Variants in ASZ1 observed in about 807,000 individuals in gnomAD.
The protein encoded by ASZ1 is ankyrin repeat, SAM and basic leucine zipper domain containing 1.
ASZ1 carries 67 observed loss-of-function variants against 61.8 expected under a neutral mutation model. The ratio of observed to expected loss-of-function variants is 1.08; its 90% confidence interval spans 0.89 to 1.33. The LOEUF is 1.33. Among genes scored for constraint, ASZ1 ranks in the 40% most tolerant of loss-of-function variants. The pLI is 0.00. For synonymous variants in ASZ1, 193 were observed against 192.7 expected (o/e 1.00, Z -0.01); for missense variants, 577 against 554.5 (o/e 1.04, Z -0.41).
intron 4 of ASZ1, among the ~76,000 whole-genome samples, chr7:117,411,844 G>A (rs1304042184): frequency 1.3e-5 from 2 of 151,730 alleles, no homozygotes; most frequent in African/African-American, 4.8e-5. Flanking sequence ...AACCTTGGCA[G>A]TCTGGTTCAT....
intron 4 of ASZ1, among the ~76,000 whole-genome samples, chr7:117,391,100 A>G (rs1271870268): frequency 6.7e-6 from 1 of 148,468 alleles, no homozygotes; most frequent in African/African-American, 2.5e-5. Flanking sequence ...GTACTTTTTC[A>G]TGTTTCTTGA....
At position 117,383,187 on chromosome 7, in the gene ASZ1, G is replaced by A. The variant is rs546317236; in HGVS notation, c.688-77C>T. ...TACACTTAAAAGAAACTGAACATAC[G>A]ATTATCTCATATCCAGAAAGGAAAT... On this transcript the variant is annotated intron_variant, in intron 6 of 12. Transcript: ENST00000284629. 108 of 1,341,184 alleles carry A rather than the reference G, an allele frequency of 8.1e-5. No individual in the cohort carries two copies. In the African/African-American group the frequency reaches 9.4e-4, roughly 12 times the overall value. 83.1% of individuals were successfully genotyped at this position (1,341,184 alleles called of 1,614,324 possible). A position where few individuals can be genotyped will look rare whatever the true frequency, so the allele number is the denominator to read the frequency against.
At chr7:117,403,676 T>C (rs1041402921) in intron 4 of ASZ1, among the ~76,000 whole-genome samples, 6 of 152,138 alleles carry the variant, frequency 3.9e-5, no homozygotes, top group Non-Finnish European at 5.9e-5. Context: ...TTACTATCTA[T>C]TGCTGTTATA....
At chr7:117,385,462 T>A (rs1796335573) in intron 5 of ASZ1, among the ~76,000 whole-genome samples, 1 of 152,064 alleles carries the variant, frequency 6.6e-6, no homozygotes, top group Non-Finnish European at 1.5e-5. Flanking sequence ...GGTTTCACCA[T>A]GTTGGCCAGG....
chr7:117,397,241 G>A lies in ASZ1; in HGVS notation c.441-11432C>T, dbSNP rs1037808504. Among the ~76,000 whole-genome samples, 10 of 151,610 alleles carry A rather than the reference G, an allele frequency of 6.6e-5. No homozygotes were observed. In the East Asian group the frequency reaches 7.7e-4, roughly 12 times the overall value. On this transcript the variant is annotated intron_variant, in intron 4 of 12. Coordinates refer to ENST00000284629, the MANE Select transcript of ASZ1 (RefSeq NM_130768.3). ...GAACCGAACCGAACCGAACCGAACC[G>A]AACCAAACCAAACCAAACGCAATAA...
chr7:117,427,418 C>G lies in ASZ1; in HGVS notation c.43G>C (p.Gly15Arg), dbSNP rs751007891. ...TCATCCTCGCTCTCGCTACTCTCGC[C>G]TCCGCCAGCCACTGGCAGGCCTCGC... is the stretch of plus-strand genomic sequence containing the variant. ...ALRGLPVAGGGESSESEDDGW... is the reference protein window; with the variant it reads ...ALRGLPVAGGRESSESEDDGW... The change falls in exon 1 of 13, where the codon GGC becomes CGC. Residue 15 changes from glycine to arginine, a missense_variant. Gly to Arg is a moderately radical substitution (Grantham distance 125, BLOSUM62 -2). Transcript: ENST00000284629. 6 of 1,614,024 alleles carry G rather than the reference C, an allele frequency of 3.7e-6. No homozygotes were observed. The highest frequency in any genetic ancestry group is 5.1e-6 in the Non-Finnish European group (6 of 1,180,002).
chr7:117,382,910 C>T, intron 7 of ASZ1, 76 bp downstream of exon 7: 5 of 1,335,318 alleles, frequency 3.7e-6, no homozygotes, highest in Non-Finnish European at 4.9e-6. Context: ...TTAAATAAGT[C>T]ACCACATTTA....
chr7:117,382,241 A>G (rs927784116), intron 7 of ASZ1, 97 bp from the exon 8 acceptor site: 9 of 780,716 alleles, frequency 1.2e-5, no homozygotes, highest in Non-Finnish European at 1.9e-5. Context: ...AATAATAATG[A>G]ATTCATGTAG....
chr7:117,389,625 G>C (rs779301931), intron 4 of ASZ1, among the ~76,000 whole-genome samples: 11 of 152,082 alleles, frequency 7.2e-5, no homozygotes, highest in Non-Finnish European at 1.6e-4. Context: ...GTCAGGATGA[G>C]GCAAACCAGA....
At chr7:117,417,021 C>T (rs1261329300) in intron 4 of ASZ1, among the ~76,000 whole-genome samples, 1 of 152,130 alleles carries the variant, frequency 6.6e-6, no homozygotes, top group Non-Finnish European at 1.5e-5. Flanking sequence ...CCCATTTTAT[C>T]TAAAAACTAA....
At chr7:117,411,320 G>A (rs1446162734) in intron 4 of ASZ1, among the ~76,000 whole-genome samples, 1 of 151,724 alleles carries the variant, frequency 6.6e-6, no homozygotes, top group Non-Finnish European at 1.5e-5. Context: ...ATGTAGGTAA[G>A]AGATAAATTT....
At chr7:117,369,100 A>C (rs1261526848) in intron 10 of ASZ1, among the ~76,000 whole-genome samples, 1 of 152,162 alleles carries the variant, frequency 6.6e-6, no homozygotes, top group Non-Finnish European at 1.5e-5. Context: ...TGTTAATACT[A>C]TTTTATAGTG....
chr7:117,421,592 A>T (rs1295161300), intron 3 of ASZ1, among the ~76,000 whole-genome samples: 1 of 152,224 alleles, frequency 6.6e-6, no homozygotes, highest in Non-Finnish European at 1.5e-5. Context: ...ACTGTTGCTA[A>T]GACAGAAATT....
intron 10 of ASZ1, among the ~76,000 whole-genome samples, chr7:117,374,896 G>A (rs921700879): frequency 2.6e-5 from 4 of 152,042 alleles, no homozygotes; most frequent in African/African-American, 9.7e-5. Context: ...ACCAAAAGAA[G>A]AAAGGAAGAG....
At chr7:117,397,250 C>T (rs2116494561) in intron 4 of ASZ1, among the ~76,000 whole-genome samples, 1 of 152,048 alleles carries the variant, frequency 6.6e-6, no homozygotes, top group East Asian at 1.9e-4. Context: ...CGAACCAAAC[C>T]AAACCAAACG....
rs753361798 is a variant in ASZ1 at position 117,385,823 on chromosome 7, A to G, written c.441-14T>C. 1.3e-6 allele frequency: 2 copies of G among 1,578,330 alleles called. No homozygotes were observed. Among genetic ancestry groups the G allele is most frequent in the Non-Finnish European group, 1.7e-6 (2 of 1,149,164 alleles). On this transcript the variant is annotated splice_polypyrimidine_tract_variant and intron_variant, in intron 4 of 12. Coordinates refer to ENST00000284629, the MANE Select transcript of ASZ1 (RefSeq NM_130768.3). ...GTCATAAGTCTCCTAAGGAGGAGGA[A>G]GAAAGGAAACATTTGTGTTAATGCT...
At chr7:117,413,855 A>G (rs189975464) in intron 4 of ASZ1, among the ~76,000 whole-genome samples, 1 of 152,220 alleles carries the variant, frequency 6.6e-6, no homozygotes, top group African/African-American at 2.4e-5. Flanking sequence ...AATCTAGAAG[A>G]TGCTGATTTC....
At position 117,368,307 on chromosome 7, in the gene ASZ1, T is replaced by C. The variant is rs1056382574; in HGVS notation, c.1161+305A>G. The C allele has an allele frequency of 3.6e-5, 36 of 1,011,520 alleles. No individual in the cohort carries two copies. The African/African-American group carries it at 5.7e-4, about 16-fold the overall frequency. The allele number at this position is 1,011,520 out of a possible 1,614,324, so 62.7% of individuals were successfully genotyped here. The stretch of plus-strand genomic sequence containing the variant: ...TAAATAACACACTGTTTTATTTCCA[T>C]TTTCACTTGGGTCTCCTGTCACTTT... On this transcript the variant is annotated intron_variant, in intron 11 of 12. Transcript: ENST00000284629.
chr7:117,406,389 A>T (rs1397965063), intron 4 of ASZ1, among the ~76,000 whole-genome samples: 1 of 152,254 alleles, frequency 6.6e-6, no homozygotes, highest in Non-Finnish European at 1.5e-5. Context: ...AGCCATAAAG[A>T]TGAGTATGTG....
Sources: allele counts gnomAD v4.1 joint callset (sites outside exome capture counted in the v4.1 genomes callset), GRCh38; gene constraint gnomAD v4.1.1; transcripts MANE v1.5; gene names NCBI Gene and HGNC (gene_info 2026-07-23, HGNC 2026-07-21).